Variants in MICU2 observed in about 807,000 individuals in gnomAD.
MICU2 encodes mitochondrial calcium uptake 2.
MICU2 carries 64 observed loss-of-function variants against 60.4 expected under a neutral mutation model. The observed-to-expected ratio is 1.06, with a 90% CI of 0.87 to 1.31. The LOEUF is 1.31. MICU2 is among the 50% of genes most tolerant of loss of function. MICU2 has a pLI of 0.00. For synonymous variants in MICU2, 201 were observed against 175.0 expected (o/e 1.15, Z -1.17); for missense variants, 569 against 531.0 (o/e 1.07, Z -0.70).
In MICU2 at chr13:21,492,749, T is replaced by C. The variant is rs988595274; in HGVS notation, c.*500A>G. 2 of 152,490 alleles carry C rather than the reference T, an allele frequency of 1.3e-5. No homozygotes were observed. The highest frequency in any genetic ancestry group is 3.8e-4 in the East Asian group (2 of 5,330). 9.4% of individuals were successfully genotyped at this position (152,490 alleles called of 1,614,324 possible). ...TCCAGATAGAACATTGAAGTTTACA[T>C]GTTATTTTAAAGACAATAAACAGCT... On this transcript the variant is annotated 3_prime_UTR_variant, in exon 12 of 12. Coordinates refer to ENST00000382374, the MANE Select transcript of MICU2 (RefSeq NM_152726.3).
chr13:21,546,400 C>T (rs991008456), intron 2 of MICU2, among the ~76,000 whole-genome samples: 1 of 150,696 alleles, frequency 6.6e-6, no homozygotes, highest in Non-Finnish European at 1.5e-5. Context: ...AGAAATACAG[C>T]AGCTAAGAGA....
chr13:21,524,845 C>G (rs1886808101), intron 4 of MICU2, among the ~76,000 whole-genome samples: 1 of 152,198 alleles, frequency 6.6e-6, no homozygotes, highest in Non-Finnish European at 1.5e-5. Context: ...CCTATTCTAT[C>G]TAGGTACCTA....
intron 5 of MICU2, among the ~76,000 whole-genome samples, chr13:21,522,300 A>G (rs1449144612): frequency 3.9e-5 from 6 of 152,184 alleles, no homozygotes; most frequent in Non-Finnish European, 8.8e-5. Flanking sequence ...CACTTTGAAG[A>G]GTACTGGTCA....
chr13:21,515,960 T>G (rs534932492), intron 6 of MICU2, among the ~76,000 whole-genome samples: 4 of 152,320 alleles, frequency 2.6e-5, no homozygotes, highest in African/African-American at 9.6e-5. Context: ...CCCTGGAACC[T>G]CTTACAAATT....
chr13:21,587,027 T>G (rs1385565675), intron 1 of MICU2, among the ~76,000 whole-genome samples: 4 of 152,190 alleles, frequency 2.6e-5, no homozygotes, highest in Non-Finnish European at 5.9e-5. Context: ...ATCTGTCATT[T>G]TGTACATCAA....
chr13:21,537,134 A>G (rs1412597034), intron 4 of MICU2, among the ~76,000 whole-genome samples: 2 of 152,022 alleles, frequency 1.3e-5, no homozygotes, highest in East Asian at 3.8e-4. Flanking sequence ...CTTTCTTTTT[A>G]AATTTTTCTT....
chr13:21,567,303 G>C (rs1399482881), intron 1 of MICU2, among the ~76,000 whole-genome samples: 2 of 152,182 alleles, frequency 1.3e-5, no homozygotes. Flanking sequence ...GTAACACTTA[G>C]AGAGATTAAA....
chr13:21,524,474 C>T (rs1255704466), intron 4 of MICU2, among the ~76,000 whole-genome samples: 1 of 152,144 alleles, frequency 6.6e-6, no homozygotes, highest in Non-Finnish European at 1.5e-5. Flanking sequence ...ATCAATAATT[C>T]CTTAACATCT....
intron 1 of MICU2, among the ~76,000 whole-genome samples, chr13:21,575,278 A>G (rs932290959): frequency 2.0e-5 from 3 of 152,108 alleles, no homozygotes; most frequent in Non-Finnish European, 2.9e-5. Context: ...CTTCTCTTTC[A>G]GTGCTTTCTC....
At chr13:21,577,986 A>AAAT (rs150371490) in intron 1 of MICU2, among the ~76,000 whole-genome samples, 26 of 149,764 alleles carry the variant, frequency 1.7e-4, no homozygotes, top group African/African-American at 4.9e-4. Context: ...AAAAAATTTA[A>AAAT]AATAATAATA....
chr13:21,556,643 A>G (rs1887715233), intron 2 of MICU2, among the ~76,000 whole-genome samples: 1 of 152,202 alleles, frequency 6.6e-6, no homozygotes, highest in Non-Finnish European at 1.5e-5. Context: ...CAGCCTTAGC[A>G]GGGCAAGAGC....
At chr13:21,584,045 G>T (rs1888405825) in intron 1 of MICU2, among the ~76,000 whole-genome samples, 1 of 152,170 alleles carries the variant, frequency 6.6e-6, no homozygotes, top group South Asian at 2.1e-4. Context: ...ACAGTTTGTA[G>T]AAACACATTG....
chr13:21,551,873 G>A (rs904834499), intron 2 of MICU2, among the ~76,000 whole-genome samples: 5 of 151,976 alleles, frequency 3.3e-5, no homozygotes, highest in African/African-American at 9.7e-5. Context: ...TTGCTATTGC[G>A]AATAGTGCCG....
intron 2 of MICU2, among the ~76,000 whole-genome samples, chr13:21,553,750 A>G (rs1593341672): frequency 2.0e-5 from 3 of 152,224 alleles, no homozygotes; most frequent in Admixed American, 1.3e-4. Flanking sequence ...AATTGGATAG[A>G]GTCAAGACCC....
chr13:21,505,413 CG>C (rs1233025804), intron 8 of MICU2, among the ~76,000 whole-genome samples: 1 of 152,084 alleles, frequency 6.6e-6, no homozygotes, highest in Non-Finnish European at 1.5e-5. Context: ...CAGAACAATA[CG>C]TAGTAGGTTG....
At chr13:21,501,527 G>A (rs1886161514) in intron 9 of MICU2, among the ~76,000 whole-genome samples, 1 of 152,192 alleles carries the variant, frequency 6.6e-6, no homozygotes, top group Admixed American at 6.5e-5. Flanking sequence ...CTCCCAAAGT[G>A]CCAGGATTAC....
intron 9 of MICU2, among the ~76,000 whole-genome samples, chr13:21,498,370 T>C (rs954429551): frequency 2.2e-4 from 2 of 9,108 alleles, no homozygotes; most frequent in African/African-American, 4.5e-4. Context: ...TATCCTATTC[T>C]TTTTTTTTTT....
intron 1 of MICU2, among the ~76,000 whole-genome samples, chr13:21,589,441 C>G (rs373287124): frequency 9.9e-5 from 15 of 152,164 alleles, no homozygotes; most frequent in East Asian, 9.6e-4. Context: ...GAAAATCAAG[C>G]AAAACAACTA....
intron 6 of MICU2, among the ~76,000 whole-genome samples, chr13:21,519,030 TA>T (rs1213857830): frequency 1.3e-5 from 2 of 152,214 alleles, no homozygotes; most frequent in African/African-American, 4.8e-5. Context: ...AGTCCCTACC[TA>T]GCTGCCCACT....
Sources: gnomAD v4.1 joint callset for allele counts (sites outside exome capture counted in the v4.1 genomes callset) on GRCh38, gnomAD v4.1.1 for gene constraint, MANE v1.5 for transcripts, NCBI Gene and HGNC (gene_info 2026-07-23, HGNC 2026-07-21) for gene names.